PARD3B: variants seen among roughly 807,000 people sequenced by gnomAD.
PARD3B encodes the protein partitioning defective 3 homolog B.
Under a neutral mutation model 130.2 loss-of-function variants are expected in PARD3B, and 103 were observed. The ratio of observed to expected loss-of-function variants is 0.79; its 90% CI spans 0.67 to 0.93. The LOEUF (loss-of-function observed/expected upper bound fraction) is 0.93. Ranked by LOEUF, PARD3B falls within the 40% of genes least tolerant of loss-of-function variation. The probability of loss-of-function intolerance (pLI) is 0.00; values close to 1 mark genes in which losing one functional copy is unlikely to be tolerated. For missense variants in PARD3B, 1,609 were observed against 1,499.2 expected, an observed-to-expected ratio of 1.07 and a Z score of -1.21; for synonymous variants, 583 against 553.2, an observed-to-expected ratio of 1.05 and a Z score of -0.76.
chr2:205,181,309 G>A (rs1308922678), intron 13 of PARD3B, among the ~76,000 whole-genome samples: 1 of 152,178 alleles, frequency 6.6e-6, no homozygotes, highest in East Asian at 1.9e-4. Flanking sequence ...AAAGCACTAC[G>A]TCTGGAATGA....
intron 21 of PARD3B, among the ~76,000 whole-genome samples, chr2:205,548,396 T>G (rs139186068): frequency 1.1e-3 from 162 of 152,232 alleles, no homozygotes; most frequent in African/African-American, 3.7e-3. Context: ...CCACCTCTAC[T>G]CCAAAATCTG....
At chr2:204,645,708 A>G (rs1209661753) in intron 1 of PARD3B, among the ~76,000 whole-genome samples, 2 of 152,168 alleles carry the variant, frequency 1.3e-5, no homozygotes, top group South Asian at 4.1e-4. Flanking sequence ...TTATTTTAAT[A>G]CACAAATATG....
chr2:205,151,957 T>C (rs1033578142), intron 10 of PARD3B, among the ~76,000 whole-genome samples: 3 of 152,204 alleles, frequency 2.0e-5, no homozygotes, highest in Admixed American at 6.5e-5. Flanking sequence ...GCAGGCCCGG[T>C]AGTGACAAAA....
chr2:205,258,771 A>G lies in PARD3B; in HGVS notation c.2185+12949A>G, dbSNP rs116246006. On this transcript the variant is annotated intron_variant, in intron 16 of 22. Coordinates refer to ENST00000406610, the MANE Select transcript of PARD3B (RefSeq NM_001302769.2). The surrounding 1 kb of genome is among the most constrained non-coding windows in gnomAD (Gnocchi z 4.9). ...TAGCTGGATTTTGTTTTGATGTTCA[A>G]TGTGACAACCTGAATTGTAACTGGG... 3.1e-3 allele frequency among the ~76,000 whole-genome samples: 478 copies of G among 152,300 alleles called. 2 individuals carry two copies. The highest frequency in any genetic ancestry group is 0.011 in the African/African-American group (450 of 41,560).
intron 21 of PARD3B, among the ~76,000 whole-genome samples, chr2:205,507,930 A>G (rs187645485): frequency 1.1e-3 from 167 of 152,340 alleles, no homozygotes; most frequent in Middle Eastern, 3.4e-3. Flanking sequence ...ATGTCACTGA[A>G]TTATTCATGA....
intron 22 of PARD3B, among the ~76,000 whole-genome samples, chr2:205,566,449 G>A (rs540397803): frequency 8.5e-5 from 13 of 152,244 alleles, no homozygotes; most frequent in Middle Eastern, 6.8e-3. Flanking sequence ...GATTGCATGT[G>A]GGGGTTTGAA....
chr2:205,055,628 A>G (rs10198599), intron 4 of PARD3B, among the ~76,000 whole-genome samples: 9,796 of 152,232 alleles, frequency 0.064, 341 homozygotes, highest in Middle Eastern at 0.18. Flanking sequence ...GAAGGGAAAT[A>G]ATAAATAGAG....
rs184085084 is a variant in PARD3B at position 204,875,774 on chromosome 2, T to C, written c.223-89378T>C. ...AGGTATGTAAAAAGGAAATGGACTT[T>C]GAGAGTTTTAAAGGTAGGATTAAGA... On this transcript the variant is annotated intron_variant, in intron 2 of 22. Transcript: ENST00000406610. Among the ~76,000 whole-genome samples, 477 of 152,326 alleles carry C rather than the reference T, an allele frequency of 3.1e-3. 14 individuals are homozygous for C. The highest frequency in any genetic ancestry group is 0.027 in the Admixed American group (409 of 15,290).
chr2:205,222,859 G>A (rs1021520873), intron 15 of PARD3B, among the ~76,000 whole-genome samples: 5 of 55,164 alleles, frequency 9.1e-5, no homozygotes, highest in African/African-American at 4.4e-4. Flanking sequence ...TCTGTGTCAG[G>A]TGGGAAAAAA....
Position 205,541,851 on chromosome 2 carries a change from CAT to C in PARD3B, c.3181-11472_3181-11471del, listed in dbSNP as rs377294842. On this transcript the variant is annotated intron_variant, in intron 21 of 22. Coordinates refer to ENST00000406610, the MANE Select transcript of PARD3B (RefSeq NM_001302769.2). The stretch of plus-strand genomic sequence containing the variant: ...ATATCCTGCCATAGGCAAAAAAGCA[CAT>C]GTTTGGCTGGCCAGACACGGTGGCT... Among the ~76,000 whole-genome samples, 14 of 151,936 alleles carry C rather than the reference CAT, an allele frequency of 9.2e-5. 1 individual carries two copies. The highest frequency in any genetic ancestry group is 2.7e-4 in the African/African-American group (11 of 41,388).
At chr2:204,690,161 T>A in intron 2 of PARD3B, among the ~76,000 whole-genome samples, 1 of 152,208 alleles carries the variant, frequency 6.6e-6, no homozygotes, top group East Asian at 1.9e-4. Flanking sequence ...TTATTTGATT[T>A]AGATACAGTT....
At chr2:204,945,003 A>T (rs1689199911) in intron 2 of PARD3B, among the ~76,000 whole-genome samples, 1 of 152,230 alleles carries the variant, frequency 6.6e-6, no homozygotes, top group African/African-American at 2.4e-5. Flanking sequence ...ATATCCTGGG[A>T]TGGGGACAAT....
chr2:205,548,918 A>C (rs2052496189), intron 21 of PARD3B, among the ~76,000 whole-genome samples: 1 of 152,194 alleles, frequency 6.6e-6, no homozygotes, highest in South Asian at 2.1e-4. Context: ...TTAAAACTCA[A>C]CAAGAAAACA....
intron 21 of PARD3B, among the ~76,000 whole-genome samples, chr2:205,504,147 A>T (rs1482338144): frequency 1.3e-5 from 2 of 152,214 alleles, no homozygotes; most frequent in East Asian, 3.9e-4. Flanking sequence ...TGGGGAAATA[A>T]TTCCCTATTT....
chr2:205,345,969 A>G (rs4673322), intron 18 of PARD3B, among the ~76,000 whole-genome samples: 1 of 47,940 alleles, frequency 2.1e-5, no homozygotes. Flanking sequence ...TCAGGAGTTC[A>G]AGACCAGCCT....
At chr2:204,564,501 C>T (rs192691638) in intron 1 of PARD3B, among the ~76,000 whole-genome samples, 12 of 151,724 alleles carry the variant, frequency 7.9e-5, no homozygotes, top group East Asian at 3.9e-4. Context: ...GTTTCATGTG[C>T]GTTATATCTA....
At chr2:205,064,273 G>A (rs1237122312) in intron 4 of PARD3B, among the ~76,000 whole-genome samples, 1 of 152,152 alleles carries the variant, frequency 6.6e-6, no homozygotes, top group Non-Finnish European at 1.5e-5. Context: ...GGAAGTGAGA[G>A]ATGCAGCTGT....
chr2:204,752,491 A>G (rs2125390481), intron 2 of PARD3B, among the ~76,000 whole-genome samples: 1 of 152,276 alleles, frequency 6.6e-6, no homozygotes, highest in African/African-American at 2.4e-5. Context: ...ATAAACTCGA[A>G]TGTTGCCCCT....
chr2:204,845,881 A>G (rs1575120576), intron 2 of PARD3B, among the ~76,000 whole-genome samples: 1 of 152,082 alleles, frequency 6.6e-6, no homozygotes, highest in East Asian at 1.9e-4. Flanking sequence ...CTTCTTACCT[A>G]TATGCAGAAT....
Sources: gnomAD v4.1 joint callset for allele counts (sites outside exome capture counted in the v4.1 genomes callset) on GRCh38, gnomAD v4.1.1 for gene constraint, Gnocchi (gnomAD v3.1) non-coding constraint, MANE v1.5 for transcripts, NCBI Gene and HGNC (gene_info 2026-07-23, HGNC 2026-07-21) for gene names.